The following CHLSN variants were observed in gnomAD, a reference collection of about 807,000 sequenced individuals.
CHLSN encodes protein cholesin.
chr7:1,008,859 A>ACGTAAACACG, the CHLSN span, among the ~76,000 whole-genome samples: 2 of 149,742 alleles, frequency 1.3e-5, no homozygotes, highest in Admixed American at 6.6e-5. Context: ...ACGTAAACAC[A>ACGTAAACACG]CGCACACACG....
chr7:988,132 G>T, the CHLSN span: 1 of 989,828 alleles, frequency 1.0e-6, no homozygotes, highest in Non-Finnish European at 1.4e-6. Context: ...GGCCTCCCTG[G>T]GTTTGGGTGC....
At chr7:1,051,392 G>A in the CHLSN span, among the ~76,000 whole-genome samples, 95 of 152,374 alleles carry the variant, frequency 6.2e-4, no homozygotes, top group African/African-American at 2.2e-3. Flanking sequence ...AAGGGGTGCA[G>A]CAGTTTCCCG....
the CHLSN span, chr7:1,127,321 G>A: frequency 1.1e-5 from 17 of 1,610,748 alleles, no homozygotes; most frequent in South Asian, 1.2e-4. Context: ...CTCTGCTGAC[G>A]CCTTCTTCAG....
the CHLSN span, among the ~76,000 whole-genome samples, chr7:1,007,982 T>C: frequency 6.6e-6 from 1 of 152,046 alleles, no homozygotes; most frequent in South Asian, 2.1e-4. Context: ...GTCCCCAACG[T>C]CCCCCTTGTC....
the CHLSN span, among the ~76,000 whole-genome samples, chr7:1,118,326 C>T: frequency 6.6e-6 from 1 of 152,158 alleles, no homozygotes; most frequent in Non-Finnish European, 1.5e-5. Flanking sequence ...CAGACCTTTT[C>T]GCTTACTTAA....
the CHLSN span, among the ~76,000 whole-genome samples, chr7:1,017,330 G>A: frequency 2.0e-5 from 3 of 152,194 alleles, no homozygotes; most frequent in South Asian, 2.1e-4. Context: ...CCTGCTGTGC[G>A]GGTGAAGGGG....
At chr7:982,660 T>C in the CHLSN span, among the ~76,000 whole-genome samples, 1 of 152,148 alleles carries the variant, frequency 6.6e-6, no homozygotes, top group South Asian at 2.1e-4. Context: ...GGGATTTGAG[T>C]CCCCTCATGG....
chr7:1,040,586 T>G, the CHLSN span, among the ~76,000 whole-genome samples: 1 of 151,296 alleles, frequency 6.6e-6, no homozygotes, highest in Non-Finnish European at 1.5e-5. Context: ...TGTAAAACTA[T>G]AAAACTTTGA....
the CHLSN span, chr7:1,058,140 C>G: frequency 4.0e-6 from 3 of 746,898 alleles, no homozygotes; most frequent in East Asian, 7.4e-5. Flanking sequence ...CGCGCTGGTG[C>G]TACTCTCCCG....
chr7:1,015,194 T>C, the CHLSN span, among the ~76,000 whole-genome samples: 2 of 151,492 alleles, frequency 1.3e-5, no homozygotes, highest in African/African-American at 2.4e-5. Context: ...CCTGCTAAAT[T>C]GTTTGGGGGG....
the CHLSN span, among the ~76,000 whole-genome samples, chr7:1,016,156 C>CCAGCACACAG: frequency 1.8e-5 from 1 of 54,716 alleles, no homozygotes; most frequent in Non-Finnish European, 3.2e-5. Flanking sequence ...GCAGCACACG[C>CCAGCACACAG]CAGCACACAG....
chr7:1,092,796 G>A, the CHLSN span: 1 of 1,613,568 alleles, frequency 6.2e-7, no homozygotes, highest in South Asian at 1.1e-5. Context: ...ACGCTGCCCT[G>A]AAGGCCGTCA....
the CHLSN span, among the ~76,000 whole-genome samples, chr7:1,079,449 C>T: frequency 3.1e-4 from 47 of 152,352 alleles, no homozygotes; most frequent in Non-Finnish European, 4.9e-4. Flanking sequence ...TCTGGAAAAG[C>T]AGTTCAGAAG....
chr7:1,022,965 G>A, the CHLSN span: 27 of 472,708 alleles, frequency 5.7e-5, no homozygotes, highest in East Asian at 5.9e-4. Flanking sequence ...CGGCTCTGTC[G>A]TCGAGGCGCT....
the CHLSN span, among the ~76,000 whole-genome samples, chr7:1,112,665 G>A: frequency 6.6e-6 from 1 of 151,398 alleles, no homozygotes; most frequent in African/African-American, 2.4e-5. Context: ...ACATTAATCG[G>A]CTGTCCTCTT....
chr7:1,100,985 G>A, the CHLSN span, among the ~76,000 whole-genome samples: 14 of 152,270 alleles, frequency 9.2e-5, no homozygotes, highest in African/African-American at 2.9e-4. Flanking sequence ...CCCTTCCACC[G>A]CAGGCACAGC....
At chr7:1,041,873 C>T in the CHLSN span, among the ~76,000 whole-genome samples, 14 of 151,942 alleles carry the variant, frequency 9.2e-5, no homozygotes, top group African/African-American at 3.4e-4. Flanking sequence ...GACCAGCAGC[C>T]CCGGATCCCT....
At chr7:991,549 G>A in the CHLSN span, among the ~76,000 whole-genome samples, 2 of 152,224 alleles carry the variant, frequency 1.3e-5, no homozygotes, top group East Asian at 1.9e-4. Flanking sequence ...GGGCAGACCT[G>A]GGTGCCCGTT....
At chr7:1,091,433 C>A in the CHLSN span, 77 of 383,312 alleles carry the variant, frequency 2.0e-4, no homozygotes, top group African/African-American at 1.4e-3. Context: ...CAGCTCCACG[C>A]GGGACTGTGC....
Sources: gnomAD v4.1 joint callset for allele counts (sites outside exome capture counted in the v4.1 genomes callset) on GRCh38, gnomAD v4.1.1 for gene constraint, MANE v1.5 for transcripts, NCBI Gene and HGNC (gene_info 2026-07-23, HGNC 2026-07-21) for gene names.